Variants in ATP8B1 observed in about 807,000 individuals in gnomAD.
ATP8B1 encodes the protein ATPase phospholipid transporting 8B1, also known as phospholipid-transporting ATPase IC.
Under a neutral mutation model 149.9 loss-of-function variants are expected in ATP8B1, and 80 were observed. The observed-to-expected ratio is 0.53, with a 90% confidence interval of 0.45 to 0.64. The LOEUF (loss-of-function observed/expected upper bound fraction) is 0.64. Ranked by LOEUF, ATP8B1 falls within the 30% of genes least tolerant of loss-of-function variation. The probability of loss-of-function intolerance (pLI) is 0.00; values close to 1 mark genes in which losing one functional copy is unlikely to be tolerated. For synonymous variants in ATP8B1, 536 were observed against 562.8 expected (o/e 0.95, Z 0.67); for missense variants, 1,247 against 1,552.6 (o/e 0.80, Z 3.31).
At chr18:57,768,396 A>T in intron 1 of ATP8B1, among the ~76,000 whole-genome samples, 1 of 149,978 alleles carries the variant, frequency 6.7e-6, no homozygotes, top group Admixed American at 6.6e-5. Flanking sequence ...CAAAAAAAAA[A>T]AAAAAAAAAA....
chr18:57,648,755 A>T (rs761358569), intron 27 of ATP8B1, 43 bp from the exon 28 acceptor site: 4 of 1,540,156 alleles, frequency 2.6e-6, no homozygotes, highest in Non-Finnish European at 3.5e-6. Context: ...TAAGATCCAC[A>T]CCAGGGAGGA....
chr18:57,656,104 T>C (rs7232795), intron 22 of ATP8B1, among the ~76,000 whole-genome samples: 69,474 of 151,800 alleles, frequency 0.46, 16,266 homozygotes, highest in East Asian at 0.52. Context: ...GAACCTCTTA[T>C]CACTTACCAG....
intron 1 of ATP8B1, among the ~76,000 whole-genome samples, chr18:57,749,204 A>C (rs1278423383): frequency 6.6e-6 from 1 of 152,234 alleles, no homozygotes; most frequent in African/African-American, 2.4e-5. Flanking sequence ...GTGCAGTAGC[A>C]CATGGTGATG....
intron 22 of ATP8B1, among the ~76,000 whole-genome samples, chr18:57,658,627 TTG>T (rs71171058): frequency 0.16 from 23,880 of 144,906 alleles, 2,168 homozygotes; most frequent in African/African-American, 0.27. Context: ...AACAATTTCT[TTG>T]TGTGTGTGTG....
chr18:57,753,426 A>G (rs1280466935), intron 1 of ATP8B1, among the ~76,000 whole-genome samples: 1 of 152,228 alleles, frequency 6.6e-6, no homozygotes, highest in Non-Finnish European at 1.5e-5. Flanking sequence ...TTTCTAAATT[A>G]AAACAAGGCA....
chr18:57,735,702 T>G (rs1234329602), intron 1 of ATP8B1: 1 of 152,230 alleles, frequency 6.6e-6, no homozygotes, highest in Admixed American at 6.5e-5. Flanking sequence ...ATTTTAAAAT[T>G]ATTTTTTATT....
chr18:57,709,742 C>T (rs1454629304), intron 2 of ATP8B1, among the ~76,000 whole-genome samples: 2 of 151,030 alleles, frequency 1.3e-5, no homozygotes, highest in African/African-American at 2.4e-5. Flanking sequence ...TGCAGTGGTG[C>T]GATCTCAGCT....
At chr18:57,650,226 ATAGAGT>A (rs954214380) in intron 27 of ATP8B1, 135 bp downstream of exon 27, 6 of 1,079,988 alleles carry the variant, frequency 5.6e-6, no homozygotes, top group South Asian at 5.4e-5. Flanking sequence ...TATTTGTGAG[ATAGAGT>A]TAAAGAGAAG....
intron 22 of ATP8B1, among the ~76,000 whole-genome samples, chr18:57,660,455 G>T (rs571234701): frequency 6.6e-6 from 1 of 152,322 alleles, no homozygotes; most frequent in South Asian, 2.1e-4. Flanking sequence ...TATTGTCAAA[G>T]CAAGCACCAG....
Position 57,674,843 on chromosome 18 carries a change from A to G in ATP8B1, c.1810T>C (p.Ser604Pro). Residue 604 changes from serine (S) to proline (P), a missense_variant, in exon 16 of 28, where the codon TCT becomes CCT. Transcript: ENST00000648908. Reference protein sequence around the residue: ...LDFNSDRKRMSIIVRTPEGNI... With the variant: ...LDFNSDRKRMPIIVRTPEGNI... ...TCTGAGGGGGACTTACCAATGATAG[A>G]CATTCGCTTCCGGTCACTGTTGAAG... The G allele has an allele frequency of 6.2e-7, 1 of 1,614,104 alleles. No individual in the cohort carries two copies. The highest frequency in any genetic ancestry group is 8.5e-7 in the Non-Finnish European group (1 of 1,179,968).
intron 1 of ATP8B1, among the ~76,000 whole-genome samples, chr18:57,771,862 A>C (rs540786792): frequency 6.6e-6 from 1 of 152,308 alleles, no homozygotes; most frequent in East Asian, 1.9e-4. Context: ...AACTCATGAT[A>C]AATACCTGGG....
chr18:57,740,189 A>C (rs1293954452), intron 1 of ATP8B1, among the ~76,000 whole-genome samples: 1 of 151,862 alleles, frequency 6.6e-6, no homozygotes, highest in African/African-American at 2.4e-5. Context: ...CTCCTGGGTT[A>C]AAGCAATTAT....
intron 1 of ATP8B1, among the ~76,000 whole-genome samples, chr18:57,797,703 C>CTTT (rs59261353): frequency 0.084 from 8,074 of 96,138 alleles, 543 homozygotes; most frequent in Middle Eastern, 0.11. Flanking sequence ...TTCTTTCTTT[C>CTTT]TTTTTTTTTT....
At chr18:57,771,397 A>G (rs1344649512) in intron 1 of ATP8B1, among the ~76,000 whole-genome samples, 3 of 152,102 alleles carry the variant, frequency 2.0e-5, no homozygotes, top group Admixed American at 2.0e-4. Context: ...TGCATCTCCT[A>G]TTGTTAGGCA....
chr18:57,651,448 C>T (rs950565895), intron 26 of ATP8B1, among the ~76,000 whole-genome samples: 6 of 152,050 alleles, frequency 3.9e-5, no homozygotes, highest in Admixed American at 2.0e-4. Flanking sequence ...GGCTTTTATC[C>T]AGCCTTTTAA....
At chr18:57,755,183 T>G (rs978746619) in intron 1 of ATP8B1, among the ~76,000 whole-genome samples, 8 of 152,222 alleles carry the variant, frequency 5.3e-5, no homozygotes, top group African/African-American at 1.7e-4. Context: ...AATTGTGCAT[T>G]GGAGAACCCG....
intron 2 of ATP8B1, among the ~76,000 whole-genome samples, chr18:57,722,782 A>G (rs2079661148): frequency 1.0e-5 from 1 of 97,148 alleles, no homozygotes; most frequent in Non-Finnish European, 2.1e-5. Flanking sequence ...AAAGCCGGGC[A>G]GAGACACAAC....
chr18:57,788,265 G>A (rs1354727356), intron 1 of ATP8B1, among the ~76,000 whole-genome samples: 1 of 151,606 alleles, frequency 6.6e-6, no homozygotes, highest in Non-Finnish European at 1.5e-5. Flanking sequence ...CGAAAAAATC[G>A]GAGCTTAGAA....
Position 57,767,176 on chromosome 18 carries a change from G to A in ATP8B1, c.-25-35344C>T, listed in dbSNP as rs997354867. Among the ~76,000 whole-genome samples, 8 of 152,312 alleles carry A rather than the reference G, an allele frequency of 5.3e-5. 1 individual carries two copies. The highest frequency in any genetic ancestry group is 2.1e-4 in the South Asian group (1 of 4,828). On this transcript the variant is annotated intron_variant, in intron 1 of 27. Transcript: ENST00000648908. ...AGGCTTGCAGCATTCAAGAATTGAA[G>A]CTCTAAGAACTAAGGTGAGCTCATC...
Sources: gnomAD v4.1 joint callset for allele counts (sites outside exome capture counted in the v4.1 genomes callset) on GRCh38, gnomAD v4.1.1 for gene constraint, MANE v1.5 for transcripts, NCBI Gene and HGNC (gene_info 2026-07-23, HGNC 2026-07-21) for gene names.